Variants in PDE4D observed in about 807,000 individuals in gnomAD.
The protein encoded by PDE4D is phosphodiesterase 4D.
In PDE4D, 24 loss-of-function variants were observed where a neutral mutation model predicts 87.4. The observed-to-expected ratio is 0.27, with a 90% CI of 0.20 to 0.39. The LOEUF (loss-of-function observed/expected upper bound fraction) is 0.39. PDE4D is among the 10% of genes least tolerant of loss of function. The probability of loss-of-function intolerance (pLI) is 1.00; values close to 1 mark genes in which losing one functional copy is unlikely to be tolerated. For missense variants in PDE4D, 714 were observed against 1,041.0 expected (o/e 0.69, Z 4.32); for synonymous variants, 384 against 383.2 (o/e 1.00, Z -0.02).
intron 1 of PDE4D, among the ~76,000 whole-genome samples, chr5:59,305,564 C>G (rs1771163481): frequency 6.6e-6 from 1 of 152,012 alleles, no homozygotes; most frequent in Non-Finnish European, 1.5e-5. Flanking sequence ...CTTAGCACCA[C>G]CTTTGCTGTA....
intron 1 of PDE4D, among the ~76,000 whole-genome samples, chr5:59,688,957 C>T (rs189777956): frequency 6.6e-6 from 1 of 152,174 alleles, no homozygotes. Flanking sequence ...TGCAAATAAA[C>T]TAGAAAATCT....
chr5:60,446,957 GCC>G (rs1745690954), intron 1 of PDE4D, among the ~76,000 whole-genome samples: 2 of 152,172 alleles, frequency 1.3e-5, no homozygotes, highest in Admixed American at 1.3e-4. Context: ...CCTCAGCACT[GCC>G]CTGGGGGCCT....
chr5:59,840,225 C>T (rs898038346), intron 1 of PDE4D, among the ~76,000 whole-genome samples: 6 of 144,590 alleles, frequency 4.1e-5, no homozygotes, highest in South Asian at 2.2e-4. Flanking sequence ...TAGTTTCACA[C>T]GTGCACTGCC....
intron 1 of PDE4D, among the ~76,000 whole-genome samples, chr5:59,364,949 A>G (rs1300958639): frequency 6.6e-6 from 1 of 151,736 alleles, no homozygotes; most frequent in African/African-American, 2.4e-5. Context: ...GTCCCAGGCT[A>G]TGCCAGCTGC....
chr5:59,128,119 C>T (rs1775756328), intron 5 of PDE4D, among the ~76,000 whole-genome samples: 1 of 150,754 alleles, frequency 6.6e-6, no homozygotes, highest in African/African-American at 2.4e-5. Flanking sequence ...TACTAAAAGG[C>T]TTCAGTCTTT....
rs1247909405 is a variant in PDE4D, at chr5:59,757,217, A to T, written c.455+135951T>A. 1.7e-4 allele frequency among the ~76,000 whole-genome samples: 26 copies of T among 152,232 alleles called. 1 individual carries two copies. Among genetic ancestry groups the T allele is most frequent in the Admixed American group, 1.6e-3 (25 of 15,278 alleles). ...GTCAACACATTCAGTCTGAGAGCCC[A>T]AGGAAAGAAAGATTGCACCCAATGA... On this transcript the variant is annotated intron_variant, in intron 1 of 14. Transcript: ENST00000340635.
intron 6 of PDE4D, among the ~76,000 whole-genome samples, chr5:58,995,277 AC>A (rs1748955443): frequency 6.6e-6 from 1 of 152,182 alleles, no homozygotes. Flanking sequence ...GAAGATAACC[AC>A]AGATAATTTG....
At chr5:59,949,153 T>C (rs1017094606) in intron 3 of PDE4D, among the ~76,000 whole-genome samples, 9 of 152,164 alleles carry the variant, frequency 5.9e-5, no homozygotes, top group Admixed American at 3.3e-4. Flanking sequence ...TATGATAGGC[T>C]GGGCGCGGTG....
At position 60,497,174 on chromosome 5, in the gene PDE4D, C is replaced by G. The variant is rs572290360; in HGVS notation, n.70+24877G>C. 3.1e-3 allele frequency among the ~76,000 whole-genome samples: 469 copies of G among 152,272 alleles called. 4 individuals are homozygous for G. Among genetic ancestry groups the G allele is most frequent in the African/African-American group, 0.01 (433 of 41,566 alleles). On this transcript the variant is annotated intron_variant and non_coding_transcript_variant, in intron 1 of 2. Transcript: ENST00000506510. ...CATTTCACATTTCAGTAAGTATCAG[C>G]CACCTGCCCTCCAAAAGGTTGTATC...
intron 1 of PDE4D, among the ~76,000 whole-genome samples, chr5:60,234,997 C>T (rs1746261465): frequency 6.6e-6 from 1 of 151,878 alleles, no homozygotes; most frequent in South Asian, 2.1e-4. Flanking sequence ...CATGATGAAA[C>T]CAGAAAATAT....
chr5:60,477,523 G>C (rs1192080301), intron 1 of PDE4D, among the ~76,000 whole-genome samples: 1 of 152,162 alleles, frequency 6.6e-6, no homozygotes, highest in Non-Finnish European at 1.5e-5. Flanking sequence ...AAGGGAGGCT[G>C]TTAAGATGGA....
chr5:59,872,262 TACACAC>T (rs71606610), intron 1 of PDE4D, among the ~76,000 whole-genome samples: 1,751 of 131,800 alleles, frequency 0.013, 36 homozygotes, highest in African/African-American at 0.051. Flanking sequence ...ACAGAAGAGT[TACACAC>T]ACACACACAC....
At chr5:59,883,932 TG>T (rs1044368160) in intron 1 of PDE4D, among the ~76,000 whole-genome samples, 2 of 152,160 alleles carry the variant, frequency 1.3e-5, no homozygotes, top group East Asian at 3.9e-4. Context: ...TTGCTTTTTT[TG>T]GGGGGGTAAG....
chr5:60,155,454 G>A (rs1006023329), intron 2 of PDE4D, among the ~76,000 whole-genome samples: 1 of 152,056 alleles, frequency 6.6e-6, no homozygotes, highest in Non-Finnish European at 1.5e-5. Flanking sequence ...CATTCTTATT[G>A]ATTTGTACTA....
chr5:59,988,547 T>C (rs147073008), exon 3 of PDE4D: 232 of 1,599,382 alleles, frequency 1.5e-4, no homozygotes, highest in Non-Finnish European at 1.9e-4. Context: ...GGAGGCTGGT[T>C]GGTCGTTGAA....
chr5:60,175,545 T>TA (rs1783835493), intron 2 of PDE4D, among the ~76,000 whole-genome samples: 1 of 152,172 alleles, frequency 6.6e-6, no homozygotes, highest in Non-Finnish European at 1.5e-5. Context: ...TTTGGATTCT[T>TA]AAAGAGGAAT....
chr5:59,515,379 C>T (rs1810976836), intron 1 of PDE4D, among the ~76,000 whole-genome samples: 1 of 152,148 alleles, frequency 6.6e-6, no homozygotes, highest in African/African-American at 2.4e-5. Context: ...CAAGATCTTC[C>T]TTTTAAAAGG....
At chr5:59,863,218 T>C (rs767336214) in intron 1 of PDE4D, among the ~76,000 whole-genome samples, 3 of 152,216 alleles carry the variant, frequency 2.0e-5, no homozygotes, top group Admixed American at 6.5e-5. Flanking sequence ...CTAAATTCCA[T>C]GAGACTCTAG....
At chr5:59,990,659 A>G (rs1762917670) in intron 2 of PDE4D, among the ~76,000 whole-genome samples, 1 of 152,230 alleles carries the variant, frequency 6.6e-6, no homozygotes, top group Non-Finnish European at 1.5e-5. Flanking sequence ...AATGACTAAT[A>G]CTTACTGAGT....
Sources: allele counts gnomAD v4.1 joint callset (sites outside exome capture counted in the v4.1 genomes callset), GRCh38; gene constraint gnomAD v4.1.1; transcripts MANE v1.5; gene names NCBI Gene and HGNC (gene_info 2026-07-23, HGNC 2026-07-21).